Variants in NDFIP2 observed in about 807,000 individuals in gnomAD.
NDFIP2 encodes Nedd4 family interacting protein 2.
In NDFIP2, 19 loss-of-function variants were observed where a neutral mutation model predicts 36.0. The observed-to-expected ratio is 0.53, with a 90% CI of 0.37 to 0.77. NDFIP2 has a LOEUF of 0.77. Among genes scored for constraint, NDFIP2 ranks in the 30% least tolerant of loss-of-function variants. The pLI is 0.00. For missense variants in NDFIP2, 446 were observed against 435.8 expected (o/e 1.02, Z -0.21); for synonymous variants, 181 against 167.7 (o/e 1.08, Z -0.61).
intron 1 of NDFIP2, among the ~76,000 whole-genome samples, chr13:79,505,669 A>G (rs1232687399): frequency 6.6e-6 from 1 of 151,810 alleles, no homozygotes; most frequent in Non-Finnish European, 1.5e-5. Flanking sequence ...CTCCCAAAGA[A>G]TAGGTAGTAT....
intron 1 of NDFIP2, among the ~76,000 whole-genome samples, chr13:79,508,084 A>G (rs991626855): frequency 6.6e-6 from 1 of 152,188 alleles, no homozygotes; most frequent in Non-Finnish European, 1.5e-5. Context: ...TTGAAGATTT[A>G]TCTGTGATGG....
chr13:79,506,156 T>A (rs1054784180), intron 1 of NDFIP2, among the ~76,000 whole-genome samples: 1 of 152,116 alleles, frequency 6.6e-6, no homozygotes, highest in Non-Finnish European at 1.5e-5. Flanking sequence ...CCTTTCTTTA[T>A]CCCTATTCTA....
At chr13:79,490,527 CA>C (rs1376907492) in intron 1 of NDFIP2, among the ~76,000 whole-genome samples, 2 of 152,194 alleles carry the variant, frequency 1.3e-5, no homozygotes, top group Admixed American at 6.5e-5. Flanking sequence ...CTTTATAGGC[CA>C]TGTGGTCTCT....
At chr13:79,524,329 A>G (rs1192601846) in intron 2 of NDFIP2, among the ~76,000 whole-genome samples, 1 of 152,162 alleles carries the variant, frequency 6.6e-6, no homozygotes, top group African/African-American at 2.4e-5. Flanking sequence ...CTTTACTCCA[A>G]ACATTCTTCA....
intron 1 of NDFIP2, among the ~76,000 whole-genome samples, chr13:79,519,904 A>G (rs1252488484): frequency 6.6e-6 from 1 of 152,202 alleles, no homozygotes; most frequent in African/African-American, 2.4e-5. Flanking sequence ...GGGTTCAAGC[A>G]ATTCTCCTGC....
intron 2 of NDFIP2, among the ~76,000 whole-genome samples, chr13:79,526,981 T>C (rs1008834447): frequency 3.9e-5 from 6 of 152,206 alleles, no homozygotes; most frequent in Admixed American, 6.5e-5. Context: ...CTCAGATGTA[T>C]CTAATTCTAA....
At chr13:79,550,717 G>A (rs913267074) in intron 6 of NDFIP2, among the ~76,000 whole-genome samples, 3 of 151,346 alleles carry the variant, frequency 2.0e-5, no homozygotes, top group Non-Finnish European at 4.4e-5. Context: ...CAGTTTAAGT[G>A]CGTCAGGTAA....
rs1201630839 is a variant in NDFIP2, at chr13:79,539,665, A to G, written c.622-17A>G. ...TTGTAATTTTTAGTGAGCTATTCCAATGTTACATATTTACAGATTCAGGAG... is the reference window on the plus strand; with the variant it reads ...TTGTAATTTTTAGTGAGCTATTCCAGTGTTACATATTTACAGATTCAGGAG... On this transcript the variant is annotated splice_polypyrimidine_tract_variant and intron_variant, in intron 3 of 7. Transcript: ENST00000218652. 3.9e-5 allele frequency: 62 copies of G among 1,600,848 alleles called. No individual in the cohort carries two copies. Among genetic ancestry groups the G allele is most frequent in the Non-Finnish European group, 4.7e-5 (55 of 1,168,340 alleles).
At chr13:79,517,315 C>T (rs1010241861) in intron 1 of NDFIP2, among the ~76,000 whole-genome samples, 3 of 152,148 alleles carry the variant, frequency 2.0e-5, no homozygotes, top group African/African-American at 7.2e-5. Context: ...TAGGTCCCCT[C>T]CTCTCCTGTC....
chr13:79,508,315 G>T (rs929964761), intron 1 of NDFIP2, among the ~76,000 whole-genome samples: 25 of 152,326 alleles, frequency 1.6e-4, no homozygotes, highest in Middle Eastern at 3.4e-3. Context: ...TTACTGGAAA[G>T]GGGTCTGGAT....
At chr13:79,483,101 C>G (rs2079825019) in intron 1 of NDFIP2, among the ~76,000 whole-genome samples, 1 of 152,118 alleles carries the variant, frequency 6.6e-6, no homozygotes, top group African/African-American at 2.4e-5. Flanking sequence ...TATTTTATTG[C>G]TGCCCCCTCC....
chr13:79,496,736 T>C (rs1480088233), intron 1 of NDFIP2, among the ~76,000 whole-genome samples: 1 of 152,046 alleles, frequency 6.6e-6, no homozygotes, highest in Non-Finnish European at 1.5e-5. Flanking sequence ...TTATTTGATC[T>C]TTTTTCTTTT....
rs1018786947 is a variant in NDFIP2 at position 79,554,233 on chromosome 13, T to C, written c.*1720T>C. On this transcript the variant is annotated 3_prime_UTR_variant, in exon 8 of 8. Coordinates refer to ENST00000218652, the MANE Select transcript of NDFIP2 (RefSeq NM_019080.3). ...AGTAGCATGGGGTAAAGAAAAAATA[T>C]TTAGTTTAGTTGCCTAATTTGGAAG... is the stretch of plus-strand genomic sequence containing the variant. The C allele has an allele frequency of 4.6e-5, 7 of 151,866 alleles. No homozygotes were observed. Among genetic ancestry groups the C allele is most frequent in the Admixed American group, 1.3e-4 (2 of 15,248 alleles). 9.4% of individuals were successfully genotyped at this position (151,866 alleles called of 1,614,324 possible).
intron 3 of NDFIP2, among the ~76,000 whole-genome samples, chr13:79,533,790 G>C (rs571903009): frequency 3.3e-5 from 5 of 152,162 alleles, no homozygotes; most frequent in African/African-American, 7.2e-5. Flanking sequence ...TATCAGTAAG[G>C]CTTCTAGTTA....
chr13:79,539,574 C>T (rs1487678810), intron 3 of NDFIP2, 108 bp from the exon 4 acceptor site: 1 of 810,780 alleles, frequency 1.2e-6, no homozygotes, highest in Admixed American at 2.0e-5. Context: ...TTGCATTTGT[C>T]TATACAACAA....
intron 4 of NDFIP2, among the ~76,000 whole-genome samples, chr13:79,540,115 C>G (rs911565787): frequency 2.0e-5 from 3 of 152,108 alleles, no homozygotes; most frequent in African/African-American, 7.2e-5. Context: ...TAGAATGAAA[C>G]TATAAATTGC....
At chr13:79,547,653 A>G (rs1388924164) in intron 5 of NDFIP2, among the ~76,000 whole-genome samples, 3 of 152,130 alleles carry the variant, frequency 2.0e-5, no homozygotes, top group Admixed American at 6.6e-5. Context: ...CTGCCTGTTC[A>G]TATTCCCACA....
At chr13:79,503,295 G>A (rs1240235105) in intron 1 of NDFIP2, among the ~76,000 whole-genome samples, 1 of 152,098 alleles carries the variant, frequency 6.6e-6, no homozygotes, top group Non-Finnish European at 1.5e-5. Flanking sequence ...ACATAGTCAC[G>A]TGATTTGTTG....
intron 2 of NDFIP2, among the ~76,000 whole-genome samples, chr13:79,528,988 A>G (rs949332398): frequency 2.6e-5 from 4 of 152,222 alleles, no homozygotes; most frequent in African/African-American, 7.2e-5. Flanking sequence ...GCTAGTTTTT[A>G]TAGATCTGAG....
Sources: allele counts gnomAD v4.1 joint callset (sites outside exome capture counted in the v4.1 genomes callset), GRCh38; gene constraint gnomAD v4.1.1; transcripts MANE v1.5; gene names NCBI Gene and HGNC (gene_info 2026-07-23, HGNC 2026-07-21).